Variants in AP3D1 observed in about 807,000 individuals in gnomAD.
AP3D1 encodes the protein AP-3 complex subunit delta-1.
AP3D1 carries 51 observed loss-of-function variants against 147.6 expected under a neutral mutation model. That is an observed-to-expected ratio of 0.35 (90% CI 0.28 to 0.44). The LOEUF is 0.44. AP3D1 is among the 20% of genes least tolerant of loss of function. The pLI is 1.00. For synonymous variants in AP3D1, 760 were observed against 663.0 expected (o/e 1.15, Z -2.25); for missense variants, 1,421 against 1,624.2 (o/e 0.87, Z 2.15).
At chr19:2,114,651 A>ACCCC in intron 21 of AP3D1, 97 bp downstream of exon 21, 4 of 311,210 alleles carry the variant, frequency 1.3e-5, no homozygotes, top group Non-Finnish European at 1.2e-5. Flanking sequence ...CAGCCTGCCC[A>ACCCC]CCCTGCAGAG....
intron 11 of AP3D1, 22 bp from the exon 12 acceptor site, chr19:2,121,901 G>A (rs769971080): frequency 1.3e-5 from 20 of 1,589,660 alleles, no homozygotes; most frequent in African/African-American, 1.2e-4. Context: ...GGCCAGAGCC[G>A]GGTCACTGGG....
chr19:2,107,466 C>T (rs1390660327), intron 31 of AP3D1, among the ~76,000 whole-genome samples: 3 of 151,804 alleles, frequency 2.0e-5, no homozygotes, highest in South Asian at 2.1e-4. Context: ...AAAGGCCGGG[C>T]GCGGTGGCTC....
Position 2,109,138 on chromosome 19 carries a change from C to T in AP3D1, c.3420G>A (p.Arg1140=). The T allele has an allele frequency of 6.2e-7, 1 of 1,609,120 alleles. No individual in the cohort carries two copies. Among genetic ancestry groups the T allele is most frequent in the Non-Finnish European group, 8.5e-7 (1 of 1,178,578 alleles). Residue 1140 remains arginine, a synonymous_variant, in exon 30 of 32, where the codon CGG becomes CGA. Transcript: ENST00000643116. ...TCGCCAGAAGATTCTGGAAGGACAT[C>T]CGAATGCCATCGACTTTGATTGAGC... is the stretch of plus-strand genomic sequence containing the variant. ...SMSSIKVDGI[R]MSFQNLLAKI... is the part of the protein sequence containing the mutation.
chr19:2,150,785 T>C (rs2019486085), intron 1 of AP3D1, among the ~76,000 whole-genome samples: 1 of 151,982 alleles, frequency 6.6e-6, no homozygotes. Context: ...CCCGGGCCCC[T>C]GCATTTTTAA....
chr19:2,143,016 G>A (rs980457252), intron 1 of AP3D1, among the ~76,000 whole-genome samples: 13 of 151,656 alleles, frequency 8.6e-5, no homozygotes, highest in East Asian at 1.9e-4. Context: ...TGCCCACCTC[G>A]GCCTCCCAAA....
rs574292345 is a variant in AP3D1 at position 2,120,186 on chromosome 19, G to C, written c.1481+676C>G. The stretch of plus-strand genomic sequence containing the variant: ...TCTCATAAATTTCCAAGAGAGCCTG[G>C]AAATCCAGACTGCTGTGAGAACCGT... On this transcript the variant is annotated intron_variant, in intron 14 of 31. Coordinates refer to ENST00000643116, the MANE Select transcript of AP3D1 (RefSeq NM_001261826.3). Among the ~76,000 whole-genome samples, 5 of 152,316 alleles carry C rather than the reference G, an allele frequency of 3.3e-5. No individual in the cohort carries two copies. The South Asian group carries it at 1.0e-3, about 32-fold the overall frequency.
At chr19:2,163,084 AT>A (rs2019759446) in intron 1 of AP3D1, among the ~76,000 whole-genome samples, 1 of 151,948 alleles carries the variant, frequency 6.6e-6, no homozygotes, top group African/African-American at 2.4e-5. Context: ...TTAATTAATT[AT>A]TTTTTTGAGA....
rs773133782 is a variant in AP3D1 at position 2,138,729 on chromosome 19, A to G, written c.97-15T>C. The G allele has an allele frequency of 5.7e-6, 9 of 1,566,286 alleles. No homozygotes were observed. The highest frequency in any genetic ancestry group is 7.9e-6 in the Non-Finnish European group (9 of 1,139,238). On this transcript the variant is annotated splice_polypyrimidine_tract_variant and intron_variant, in intron 1 of 31. Transcript: ENST00000643116. ...ATGTATTTTGCCTATAATGGGGGAT[A>G]AACACAGAGATTACAAACATCCAGC...
At chr19:2,144,691 T>A (rs147369691) in intron 1 of AP3D1, among the ~76,000 whole-genome samples, 151 of 152,172 alleles carry the variant, frequency 9.9e-4, no homozygotes, top group African/African-American at 3.4e-3. Context: ...TCACTTGAGG[T>A]CAGGGGTTTG....
At chr19:2,123,983 G>C in intron 9 of AP3D1, 104 bp from the exon 10 acceptor site, 1 of 1,279,736 alleles carries the variant, frequency 7.8e-7, no homozygotes, top group South Asian at 1.3e-5. Flanking sequence ...GAGGAGGGAT[G>C]GGAGGGAGGA....
Position 2,109,111 on chromosome 19 carries a change from C to A in AP3D1, c.3447G>T (p.Lys1149Asn). The change falls in exon 30 of 32, where the codon AAG becomes AAT. Residue 1149 changes from lysine to asparagine, a missense_variant. Physicochemically the swap from Lys to Asn is moderately conservative, Grantham distance 94. Coordinates refer to ENST00000643116, the MANE Select transcript of AP3D1 (RefSeq NM_001261826.3). ...IRMSFQNLLA[K>N]ICFHHHFSVV... The stretch of plus-strand genomic sequence containing the variant: ...CGGAAAAATGGTGGTGAAAACAGAT[C>A]TTCGCCAGAAGATTCTGGAAGGACA... 1 of 1,609,388 alleles carries A rather than the reference C, an allele frequency of 6.2e-7. No homozygotes were observed. Among genetic ancestry groups the A allele is most frequent in the Non-Finnish European group, 8.5e-7 (1 of 1,178,658 alleles).
Position 2,121,168 on chromosome 19 carries a change from G to C in AP3D1, c.1245C>G (p.Phe415Leu). The change falls in exon 13 of 32, where the codon TTC (phenylalanine) becomes TTG (leucine). Residue 415 changes from phenylalanine to leucine, a missense_variant. Physicochemically the swap from Phe to Leu is conservative, Grantham distance 22. Coordinates refer to ENST00000643116, the MANE Select transcript of AP3D1 (RefSeq NM_001261826.3). ...SQSNYQYITN[F>L]EWYISILVEL... Reference sequence around the variant, plus strand: ...CCCCTGGGAGCGGGACGCACCACTCGAAGTTGGTGATGTACTGGTAGTTGG... The same window carrying C: ...CCCCTGGGAGCGGGACGCACCACTCCAAGTTGGTGATGTACTGGTAGTTGG... 1 of 1,614,186 alleles carries C rather than the reference G, an allele frequency of 6.2e-7. No homozygotes were observed. Among genetic ancestry groups the C allele is most frequent in the Non-Finnish European group, 8.5e-7 (1 of 1,180,008 alleles).
intron 31 of AP3D1, among the ~76,000 whole-genome samples, chr19:2,103,188 T>C (rs1264870500): frequency 6.6e-6 from 1 of 151,950 alleles, no homozygotes; most frequent in African/African-American, 2.4e-5. Flanking sequence ...CTGTATGTGT[T>C]GTCCTTTTAA....
chr19:2,158,871 CTATAAACTAAGTTACTCCCAAAAT>C (rs1202160975), intron 1 of AP3D1, among the ~76,000 whole-genome samples: 1 of 152,194 alleles, frequency 6.6e-6, no homozygotes, highest in Non-Finnish European at 1.5e-5. Flanking sequence ...CAAAGTTAAA[CTATAAACTAAGTTACTCCCAAAAT>C]TAGTTTGGCC....
At chr19:2,155,081 T>A (rs1043399130), upstream of AP3D1, among the ~76,000 whole-genome samples, 2 of 152,122 alleles carry the variant, frequency 1.3e-5, no homozygotes, top group Non-Finnish European at 2.9e-5. Context: ...TTCCGGAGGC[T>A]GAGGCAGGAG....
At chr19:2,130,792 A>G (rs1168122668) in intron 5 of AP3D1, among the ~76,000 whole-genome samples, 1 of 152,252 alleles carries the variant, frequency 6.6e-6, no homozygotes, top group Non-Finnish European at 1.5e-5. Context: ...TGGGTCCCAC[A>G]GTGGGAGGAA....
intron 1 of AP3D1, among the ~76,000 whole-genome samples, chr19:2,141,579 T>C (rs2019221437): frequency 6.6e-6 from 1 of 151,568 alleles, no homozygotes; most frequent in South Asian, 2.1e-4. Flanking sequence ...GTGGCTACGA[T>C]TACAGGTACA....
chr19:2,160,256 G>T lies in AP3D1; in HGVS notation c.-103+4100C>A, dbSNP rs530466237. 2.0e-5 allele frequency among the ~76,000 whole-genome samples: 3 copies of T among 152,306 alleles called. No individual in the cohort carries two copies. The South Asian group carries it at 6.2e-4, about 32-fold the overall frequency. On this transcript the variant is annotated intron_variant, in intron 1 of 14. Transcript: ENST00000643010. ...ACAAAAGTGGGAGGAGGCCAGGTGT[G>T]GTGGCTCAAGCCTGTAATCCCAGCA...
At chr19:2,162,180 G>GTGCC (rs1288252338) in intron 1 of AP3D1, among the ~76,000 whole-genome samples, 9 of 151,022 alleles carry the variant, frequency 6.0e-5, no homozygotes, top group African/African-American at 1.7e-4. Flanking sequence ...GGGACTACAG[G>GTGCC]CACGAGTCAC....
Sources: gnomAD v4.1 joint callset for allele counts (sites outside exome capture counted in the v4.1 genomes callset) on GRCh38, gnomAD v4.1.1 for gene constraint, MANE v1.5 for transcripts, NCBI Gene and HGNC (gene_info 2026-07-23, HGNC 2026-07-21) for gene names.